NOMO1: variants seen among roughly 807,000 people sequenced by gnomAD.
NOMO1 encodes the protein nodal modulator 3.
In NOMO1, 40 loss-of-function variants were observed where a neutral mutation model predicts 133.8. That is an observed-to-expected ratio of 0.30 (90% confidence interval 0.23 to 0.39). NOMO1 has a LOEUF of 0.39. Among genes scored for constraint, NOMO1 ranks in the 10% least tolerant of loss-of-function variants. The pLI is 1.00. For missense variants in NOMO1, 462 were observed against 1,419.9 expected, an observed-to-expected ratio of 0.33 and a Z score of 10.84; for synonymous variants, 236 against 570.5, an observed-to-expected ratio of 0.41 and a Z score of 8.36.
At chr16:14,884,573 G>A (rs987193100) in intron 27 of NOMO1, 91 bp downstream of exon 27, 4 of 1,588,048 alleles carry the variant, frequency 2.5e-6, no homozygotes, top group Middle Eastern at 2.3e-4. Flanking sequence ...TGCCTGTCTC[G>A]TGCCTTAGGT....
chr16:14,867,620 C>T (rs2606954), intron 15 of NOMO1, among the ~76,000 whole-genome samples: 9 of 147,284 alleles, frequency 6.1e-5, no homozygotes, highest in East Asian at 4.0e-4. Context: ...GGAGCACCTC[C>T]GTAGATCCCT....
chr16:14,850,812 G>C (rs1963747250), intron 6 of NOMO1, among the ~76,000 whole-genome samples: 1 of 151,880 alleles, frequency 6.6e-6, no homozygotes, highest in African/African-American at 2.4e-5. Context: ...GCTGGGCGCA[G>C]TTGCTCATGC....
chr16:14,853,396 G>T (rs1188051991), intron 7 of NOMO1, 71 bp from the exon 8 acceptor site: 2 of 1,243,650 alleles, frequency 1.6e-6, no homozygotes, highest in Admixed American at 5.1e-5. Context: ...TTCCTATAAT[G>T]TGGCTAATTG....
At chr16:14,869,149 GC>G (rs1171645301) in intron 16 of NOMO1, among the ~76,000 whole-genome samples, 1 of 149,512 alleles carries the variant, frequency 6.7e-6, no homozygotes, top group East Asian at 2.0e-4. Flanking sequence ...CATTGTCCAG[GC>G]TGGTCTCAAA....
At chr16:14,866,805 G>C (rs1964002863) in intron 15 of NOMO1, 114 bp downstream of exon 15, 1 of 1,603,704 alleles carries the variant, frequency 6.2e-7, no homozygotes, top group South Asian at 1.1e-5. Context: ...TTCCTTTTCT[G>C]CCTCTCCACT....
chr16:14,892,278 A>G (rs989083937), intron 29 of NOMO1, among the ~76,000 whole-genome samples: 2 of 151,950 alleles, frequency 1.3e-5, no homozygotes, highest in African/African-American at 4.8e-5. Flanking sequence ...AGATAAGCAT[A>G]TACAAGAACC....
At chr16:14,871,510 A>G in intron 16 of NOMO1, 111 bp from the exon 17 acceptor site, 2 of 1,391,676 alleles carry the variant, frequency 1.4e-6, no homozygotes, top group Non-Finnish European at 2.0e-6. Flanking sequence ...CAGATCTGCG[A>G]TACGTTTGAG....
At chr16:14,892,481 C>T (rs1246292157) in intron 29 of NOMO1, among the ~76,000 whole-genome samples, 2 of 151,572 alleles carry the variant, frequency 1.3e-5, no homozygotes, top group Non-Finnish European at 1.5e-5. Flanking sequence ...AGCCCAGCCT[C>T]GTAGCTGCTG....
At chr16:14,869,707 C>A (rs1473744829) in intron 16 of NOMO1, among the ~76,000 whole-genome samples, 2 of 151,606 alleles carry the variant, frequency 1.3e-5, no homozygotes, top group African/African-American at 4.9e-5. Context: ...TACGGACATT[C>A]TTGTACAAGT....
At chr16:14,887,150 T>C (rs1424098904) in intron 28 of NOMO1, among the ~76,000 whole-genome samples, 2 of 152,162 alleles carry the variant, frequency 1.3e-5, no homozygotes, top group East Asian at 3.8e-4. Flanking sequence ...TGGGTCTTTT[T>C]TCAGGCACGT....
chr16:14,881,336 T>C (rs1186292012), intron 24 of NOMO1, among the ~76,000 whole-genome samples: 5 of 151,942 alleles, frequency 3.3e-5, no homozygotes, highest in Admixed American at 6.6e-5. Flanking sequence ...TCCCTCAAAA[T>C]GTATGAGAAA....
chr16:14,894,179 G>A (rs1359992601), intron 29 of NOMO1, among the ~76,000 whole-genome samples: 3 of 151,934 alleles, frequency 2.0e-5, no homozygotes, highest in Admixed American at 2.0e-4. Context: ...GGAGTGACCA[G>A]TGCAGAGATA....
At chr16:14,864,548 G>A (rs774276963) in intron 12 of NOMO1, 37 bp from the exon 13 acceptor site, 5 of 1,612,676 alleles carry the variant, frequency 3.1e-6, no homozygotes, top group African/African-American at 2.7e-5. Flanking sequence ...AGATCTCCCC[G>A]AATGCAGCCT....
At chr16:14,843,664 A>G (rs1287038044) in intron 3 of NOMO1, among the ~76,000 whole-genome samples, 1 of 150,324 alleles carries the variant, frequency 6.7e-6, no homozygotes, top group Non-Finnish European at 1.5e-5. Flanking sequence ...TGGGCTAGCT[A>G]TTTTTGTAAG....
At chr16:14,855,908 CAT>C (rs1963826435) in intron 9 of NOMO1, among the ~76,000 whole-genome samples, 1 of 151,798 alleles carries the variant, frequency 6.6e-6, no homozygotes, top group South Asian at 2.1e-4. Context: ...TGGAATGAAA[CAT>C]GTCTTTTTGG....
chr16:14,842,137 G>T (rs1442004914), intron 3 of NOMO1, among the ~76,000 whole-genome samples: 1 of 151,760 alleles, frequency 6.6e-6, no homozygotes, highest in Non-Finnish European at 1.5e-5. Flanking sequence ...GAGATCAGAA[G>T]AGAGGGTCTG....
At chr16:14,876,330 A>G in intron 20 of NOMO1, 29 bp from the exon 21 acceptor site, 1 of 1,610,376 alleles carries the variant, frequency 6.2e-7, no homozygotes, top group South Asian at 1.1e-5. Context: ...ACCAAGCCCC[A>G]TCCTTGTGTT....
In NOMO1 at chr16:14,833,901, C is replaced by T. The variant is rs1963463677; in HGVS notation, c.50C>T (p.Ala17Val). 1 of 725,284 alleles carries T rather than the reference C, an allele frequency of 1.4e-6. No individual in the cohort carries two copies. Among genetic ancestry groups the T allele is most frequent in the African/African-American group, 2.1e-5 (1 of 47,856 alleles). The allele number at this position is 725,284 out of a possible 1,614,324, so 44.9% of individuals were successfully genotyped here. Residue 17 changes from alanine (A) to valine (V), a missense_variant, in exon 1 of 31, where the codon GCC becomes GTC. By Grantham distance (64) the Ala-to-Val change is moderately conservative. Transcript: ENST00000287667. ...AGPLGPAVVT[A>V]AVVLLLSGVG... The stretch of plus-strand genomic sequence containing the variant: ...CCGCTGGGGCCCGCGGTGGTCACCG[C>T]CGCGGTGGTGCTGCTGCTGAGCGGC...
rs1192741222 is a variant in NOMO1 at position 14,868,531 on chromosome 16, T to C, written c.1807-17T>C. The C allele has an allele frequency of 1.2e-6, 2 of 1,611,802 alleles. No individual in the cohort carries two copies. Among genetic ancestry groups the C allele is most frequent in the Admixed American group, 3.3e-5 (2 of 59,956 alleles). ...CCATCTCTCTTAGTAGTCATTGTATTGGCTTTGCTTCCTTAGGAATTTTAT... is the reference window on the plus strand; with the variant it reads ...CCATCTCTCTTAGTAGTCATTGTATCGGCTTTGCTTCCTTAGGAATTTTAT... On this transcript the variant is annotated splice_polypyrimidine_tract_variant and intron_variant, in intron 15 of 30. Transcript: ENST00000287667.
Sources: gnomAD v4.1 joint callset for allele counts (sites outside exome capture counted in the v4.1 genomes callset) on GRCh38, gnomAD v4.1.1 for gene constraint, MANE v1.5 for transcripts, NCBI Gene and HGNC (gene_info 2026-07-23, HGNC 2026-07-21) for gene names.